The following GRIA1 variants were observed in gnomAD, a reference collection of about 807,000 sequenced individuals.
GRIA1 encodes glutamate ionotropic receptor AMPA type subunit 1.
Under a neutral mutation model 99.2 loss-of-function variants are expected in GRIA1, and 31 were observed. The ratio of observed to expected loss-of-function variants is 0.31; its 90% CI spans 0.23 to 0.42. The LOEUF (loss-of-function observed/expected upper bound fraction) is 0.42, where lower values mean the gene tolerates loss of function less well. GRIA1 is among the 10% of genes least tolerant of loss of function. The pLI is 1.00. For missense variants in GRIA1, 782 were observed against 1,157.5 expected (o/e 0.68, Z 4.71); for synonymous variants, 438 against 432.4 (o/e 1.01, Z -0.16).
chr5:153,566,969 G>A (rs1399692482), intron 2 of GRIA1, among the ~76,000 whole-genome samples: 11 of 151,940 alleles, frequency 7.2e-5, no homozygotes, highest in Non-Finnish European at 2.9e-5. Context: ...CACCCGCCTC[G>A]GCCTCCCAAA....
intron 10 of GRIA1, among the ~76,000 whole-genome samples, chr5:153,700,838 A>C (rs1268561170): frequency 1.3e-5 from 2 of 152,210 alleles, no homozygotes; most frequent in East Asian, 3.9e-4. Context: ...GAATTCAAAG[A>C]AGAAAAAGAT....
chr5:153,748,279 T>TA (rs149280094), intron 11 of GRIA1, among the ~76,000 whole-genome samples: 30 of 151,932 alleles, frequency 2.0e-4, no homozygotes, highest in African/African-American at 7.2e-4. Context: ...ACCTGAAGGG[T>TA]AGTAGGAGGC....
intron 5 of GRIA1, among the ~76,000 whole-genome samples, chr5:153,666,140 G>C (rs1022014554): frequency 1.3e-5 from 2 of 152,196 alleles, no homozygotes; most frequent in Non-Finnish European, 2.9e-5. Context: ...AGCTGAGGCT[G>C]AGTGGTGACA....
intron 2 of GRIA1, among the ~76,000 whole-genome samples, chr5:153,532,098 T>C (rs1297036446): frequency 6.6e-6 from 1 of 152,194 alleles, no homozygotes; most frequent in African/African-American, 2.4e-5. Flanking sequence ...TTTTACAGCC[T>C]TTACAGCCCT....
intron 7 of GRIA1, among the ~76,000 whole-genome samples, chr5:153,678,715 C>A (rs956115550): frequency 4.6e-5 from 7 of 152,232 alleles, no homozygotes; most frequent in Non-Finnish European, 7.3e-5. Flanking sequence ...CCTCTCCCAT[C>A]TTAATGACGT....
chr5:153,705,059 A>G (rs1758793168), intron 10 of GRIA1, among the ~76,000 whole-genome samples: 1 of 152,228 alleles, frequency 6.6e-6, no homozygotes, highest in Non-Finnish European at 1.5e-5. Context: ...GCAAACTGAC[A>G]CATTGTCTCA....
At chr5:153,727,622 A>C (rs1760660431) in intron 11 of GRIA1, among the ~76,000 whole-genome samples, 1 of 152,212 alleles carries the variant, frequency 6.6e-6, no homozygotes, top group Non-Finnish European at 1.5e-5. Flanking sequence ...ATCATGAGTG[A>C]ACTCCCATTC....
intron 2 of GRIA1, among the ~76,000 whole-genome samples, chr5:153,581,085 G>A (rs544611348): frequency 6.2e-4 from 94 of 152,280 alleles, no homozygotes; most frequent in African/African-American, 9.9e-4. Flanking sequence ...TCTGGCATGC[G>A]GACGGCTTCC....
At chr5:153,603,229 A>C (rs1379961059) in intron 2 of GRIA1, among the ~76,000 whole-genome samples, 1 of 152,188 alleles carries the variant, frequency 6.6e-6, no homozygotes, top group Admixed American at 6.5e-5. Context: ...AATTTCATCC[A>C]TGTCCCTACA....
At chr5:153,541,989 G>C (rs1759169196) in intron 2 of GRIA1, among the ~76,000 whole-genome samples, 1 of 143,164 alleles carries the variant, frequency 7.0e-6, no homozygotes, top group Non-Finnish European at 1.5e-5. Flanking sequence ...CACATACCTA[G>C]AACTGTGGCC....
At chr5:153,764,730 C>A in intron 12 of GRIA1, 98 bp downstream of exon 12, 2 of 839,072 alleles carry the variant, frequency 2.4e-6, no homozygotes, top group Non-Finnish European at 3.9e-6. Flanking sequence ...AACAGGCAGC[C>A]AGAGCAAGTG....
chr5:153,689,024 TTTTC>T (rs947041140), intron 8 of GRIA1, among the ~76,000 whole-genome samples: 1 of 151,916 alleles, frequency 6.6e-6, no homozygotes, highest in Non-Finnish European at 1.5e-5. Flanking sequence ...CCAGGCTTTT[TTTTC>T]TTTCTTTCTT....
intron 11 of GRIA1, among the ~76,000 whole-genome samples, chr5:153,747,928 G>T (rs1762263553): frequency 6.6e-6 from 1 of 152,156 alleles, no homozygotes; most frequent in South Asian, 2.1e-4. Flanking sequence ...CATCACGCTT[G>T]GTGTGTAGTC....
At chr5:153,623,200 G>A (rs1010056328) in intron 2 of GRIA1, among the ~76,000 whole-genome samples, 2 of 152,060 alleles carry the variant, frequency 1.3e-5, no homozygotes, top group African/African-American at 4.8e-5. Context: ...GTGAATACTC[G>A]GTGAGCACTG....
intron 11 of GRIA1, among the ~76,000 whole-genome samples, chr5:153,756,690 C>T (rs1453921510): frequency 6.6e-6 from 1 of 152,146 alleles, no homozygotes; most frequent in East Asian, 1.9e-4. Flanking sequence ...CCATCCCAAC[C>T]TCTAAGCCTT....
intron 2 of GRIA1, among the ~76,000 whole-genome samples, chr5:153,560,397 G>T (rs546227985): frequency 6.6e-6 from 1 of 152,284 alleles, no homozygotes; most frequent in East Asian, 1.9e-4. Flanking sequence ...TACCATGGAG[G>T]CTGATATGGT....
chr5:153,620,479 C>T (rs1472972451), intron 2 of GRIA1, among the ~76,000 whole-genome samples: 4 of 152,062 alleles, frequency 2.6e-5, no homozygotes, highest in Admixed American at 6.5e-5. Flanking sequence ...CAGTTGGAAG[C>T]GGTGGGGAAA....
chr5:153,766,002 T>C (rs1359325298), intron 12 of GRIA1, among the ~76,000 whole-genome samples: 1 of 152,222 alleles, frequency 6.6e-6, no homozygotes, highest in Admixed American at 6.5e-5. Context: ...CACCTAGTTA[T>C]CTCACTACAA....
chr5:153,682,452 G>A (rs1401821693), intron 7 of GRIA1, among the ~76,000 whole-genome samples: 1 of 152,170 alleles, frequency 6.6e-6, no homozygotes, highest in Admixed American at 6.5e-5. Flanking sequence ...CAATTCTTGT[G>A]AAATCCAGTT....
Sources: gnomAD v4.1 joint callset for allele counts (sites outside exome capture counted in the v4.1 genomes callset) on GRCh38, gnomAD v4.1.1 for gene constraint, MANE v1.5 for transcripts, NCBI Gene and HGNC (gene_info 2026-07-23, HGNC 2026-07-21) for gene names.